SF3B3: variants seen among roughly 807,000 people sequenced by gnomAD.
SF3B3 encodes the protein SAP 130.
Under a neutral mutation model 139.2 loss-of-function variants are expected in SF3B3, and 33 were observed. The ratio of observed to expected loss-of-function variants is 0.24; its 90% CI spans 0.18 to 0.32. SF3B3 has a LOEUF of 0.32. Among genes scored for constraint, SF3B3 ranks in the 10% least tolerant of loss-of-function variants. The pLI is 1.00. For missense variants in SF3B3, 818 were observed against 1,509.4 expected (o/e 0.54, Z 7.59); for synonymous variants, 596 against 563.6 (o/e 1.06, Z -0.81).
intron 1 of SF3B3, chr16:70,524,149 G>T (rs1470277953): frequency 6.1e-6 from 2 of 327,860 alleles, no homozygotes; most frequent in Non-Finnish European, 1.1e-5. Flanking sequence ...TCAAAATAGG[G>T]CTCGTGGAGA....
intron 10 of SF3B3, among the ~76,000 whole-genome samples, chr16:70,547,706 G>A (rs1186809281): frequency 6.6e-6 from 1 of 152,176 alleles, no homozygotes; most frequent in Non-Finnish European, 1.5e-5. Flanking sequence ...CGATTCTCCC[G>A]CCTCAGCCTC....
intron 8 of SF3B3, among the ~76,000 whole-genome samples, chr16:70,541,345 C>T (rs1267002128): frequency 6.6e-6 from 1 of 152,142 alleles, no homozygotes; most frequent in African/African-American, 2.4e-5. Flanking sequence ...GTCAGAAATA[C>T]GATTTGCAAA....
chr16:70,525,900 G>A (rs917797124), intron 1 of SF3B3, among the ~76,000 whole-genome samples: 40 of 143,348 alleles, frequency 2.8e-4, no homozygotes, highest in Non-Finnish European at 5.1e-4. Flanking sequence ...GGCGGAGCTT[G>A]CAGTAAGCCA....
At chr16:70,537,790 G>A (rs1027571172) in intron 6 of SF3B3, among the ~76,000 whole-genome samples, 1 of 152,140 alleles carries the variant, frequency 6.6e-6, no homozygotes, top group African/African-American at 2.4e-5. Flanking sequence ...GTTAAAAAAC[G>A]CAAGGCAGGT....
chr16:70,557,451 A>C (rs1002843201), intron 15 of SF3B3, among the ~76,000 whole-genome samples: 1 of 152,228 alleles, frequency 6.6e-6, no homozygotes, highest in African/African-American at 2.4e-5. Context: ...GTGTGCTTTA[A>C]CGCTAAGATA....
intron 10 of SF3B3, among the ~76,000 whole-genome samples, chr16:70,545,963 G>A (rs371168672): frequency 1.3e-5 from 2 of 152,224 alleles, no homozygotes; most frequent in East Asian, 3.9e-4. Context: ...TAGAGCCATA[G>A]GTCTGGTTTT....
chr16:70,568,574 G>T (rs2050499236), intron 22 of SF3B3, 79 bp downstream of exon 22: 8 of 1,122,986 alleles, frequency 7.1e-6, no homozygotes. Context: ...AGCCAAGGAG[G>T]AATCAAATCT....
chr16:70,568,850 G>A (rs893070161), intron 22 of SF3B3, among the ~76,000 whole-genome samples, 193 bp from the exon 23 acceptor site: 5 of 152,176 alleles, frequency 3.3e-5, no homozygotes, highest in Admixed American at 6.5e-5. Context: ...CTCATGGGTC[G>A]ATTCTTTTGA....
In SF3B3 at chr16:70,557,026, A is replaced by T. The variant is rs1567420732; in HGVS notation, c.2007A>T (p.Leu669=). 1 of 1,607,380 alleles carries T rather than the reference A, an allele frequency of 6.2e-7. No homozygotes were observed. The highest frequency in any genetic ancestry group is 1.3e-5 in the African/African-American group (1 of 74,570). The change falls in exon 15 of 26, where the codon CTA becomes CTT. Residue 669 remains leucine, a synonymous_variant. Transcript: ENST00000302516. ...GCTTCCTATACCTGAATATTGGGCT[A>T]CAGGTAAGAGATCCAGAGGCCCACA... ...SIGFLYLNIG[L]QNGVLLRTVL... is the part of the protein sequence containing the mutation.
intron 14 of SF3B3, 130 bp from the exon 15 acceptor site, chr16:70,556,756 A>T: frequency 6.8e-5 from 56 of 817,878 alleles, no homozygotes; most frequent in Non-Finnish European, 9.5e-5. Context: ...ACTCTCTTAG[A>T]ACTCACTCCC....
intron 7 of SF3B3, 87 bp downstream of exon 7, chr16:70,538,547 GA>G (rs2050189457): frequency 1.6e-6 from 2 of 1,224,310 alleles, no homozygotes; most frequent in African/African-American, 3.0e-5. Context: ...AAAAAAATGA[GA>G]ACTTAGAAAG....
At chr16:70,564,801 A>G (rs1035296764) in intron 18 of SF3B3, among the ~76,000 whole-genome samples, 1 of 152,194 alleles carries the variant, frequency 6.6e-6, no homozygotes, top group Middle Eastern at 3.2e-3. Context: ...CACTAGTCCA[A>G]TATTTGTCAC....
chr16:70,565,488 T>C lies in SF3B3; in HGVS notation c.2790T>C (p.Leu930=). The change falls in exon 20 of 26, where the codon CTT becomes CTC. Residue 930 remains leucine, a synonymous_variant. Coordinates refer to ENST00000302516, the MANE Select transcript of SF3B3 (RefSeq NM_012426.5). ...VAGGFVYTYK[L]VNNGEKLEFL... is the part of the protein sequence containing the mutation. ...GGGGCTTCGTCTATACTTACAAGCTTGTGAACAATGGGGAAAAACTGGAGT... is the reference window on the plus strand; with the variant it reads ...GGGGCTTCGTCTATACTTACAAGCTCGTGAACAATGGGGAAAAACTGGAGT... 2 of 1,614,144 alleles carry C rather than the reference T, an allele frequency of 1.2e-6. No individual in the cohort carries two copies. The highest frequency in any genetic ancestry group is 1.7e-6 in the Non-Finnish European group (2 of 1,180,014).
At chr16:70,530,162 A>ATAAC (rs552339491) in intron 3 of SF3B3, among the ~76,000 whole-genome samples, 278 of 149,596 alleles carry the variant, frequency 1.9e-3, no homozygotes, top group African/African-American at 5.9e-3. Context: ...AAATAAATAA[A>ATAAC]TAAATAAATA....
In SF3B3 at chr16:70,554,570, C is replaced by G. The variant is rs755815049; in HGVS notation, c.1527C>G (p.Ser509=). 3.7e-6 allele frequency: 6 copies of G among 1,614,058 alleles called. No homozygotes were observed. The highest frequency in any genetic ancestry group is 4.2e-6 in the Non-Finnish European group (5 of 1,180,034). The change falls in exon 12 of 26, where the codon TCC becomes TCG. Residue 509 remains serine, a synonymous_variant. Coordinates refer to ENST00000302516, the MANE Select transcript of SF3B3 (RefSeq NM_012426.5). Reference sequence around the variant, plus strand: ...GGACCACCCCGACCTTGTCCTGCTCCTTATTAGGAGATGATGCCTTGGTGC... The same window carrying G: ...GGACCACCCCGACCTTGTCCTGCTCGTTATTAGGAGATGATGCCTTGGTGC... ...FLGTTPTLSC[S]LLGDDALVQV...
At chr16:70,544,585 A>G (rs1227689965) in intron 10 of SF3B3, 52 bp downstream of exon 10, 1 of 1,023,486 alleles carries the variant, frequency 9.8e-7, no homozygotes, top group Non-Finnish European at 1.6e-6. Flanking sequence ...AAGCACTGAC[A>G]AAGTAGTTTA....
Position 70,573,360 on chromosome 16 carries a change from G to A in SF3B3, c.*1547G>A, listed in dbSNP as rs1200846211. The A allele has an allele frequency of 6.6e-6, 1 of 152,200 alleles. No individual in the cohort carries two copies. Among genetic ancestry groups the A allele is most frequent in the Non-Finnish European group, 1.5e-5 (1 of 68,052 alleles). The allele number at this position is 152,200 out of a possible 1,614,324, so 9.4% of individuals were successfully genotyped here. A position where few individuals can be genotyped will look rare whatever the true frequency, so the allele number is the denominator to read the frequency against. The stretch of plus-strand genomic sequence containing the variant: ...GCAGTCATCTGAGGAACTCAGCGTA[G>A]ATACTTGAGCAGCTCCTCGCCTCTT... On this transcript the variant is annotated 3_prime_UTR_variant, in exon 26 of 26. Transcript: ENST00000302516.
At chr16:70,535,007 T>G (rs2050153387) in intron 5 of SF3B3, among the ~76,000 whole-genome samples, 1 of 152,160 alleles carries the variant, frequency 6.6e-6, no homozygotes, top group Non-Finnish European at 1.5e-5. Context: ...AAGGTCCATG[T>G]CCAGTAGGTG....
intron 15 of SF3B3, chr16:70,560,217 G>T (rs965560065): frequency 8.4e-6 from 2 of 238,370 alleles, no homozygotes; most frequent in Non-Finnish European, 1.6e-5. Flanking sequence ...TTGGTAAAAA[G>T]AAATATTAAG....
Sources: gnomAD v4.1 joint callset for allele counts (sites outside exome capture counted in the v4.1 genomes callset) on GRCh38, gnomAD v4.1.1 for gene constraint, MANE v1.5 for transcripts, NCBI Gene and HGNC (gene_info 2026-07-23, HGNC 2026-07-21) for gene names.